The following EBF4 variants were observed in gnomAD, a reference collection of about 807,000 sequenced individuals.
EBF4 encodes the protein EBF transcription factor 4.
Under a neutral mutation model 67.1 loss-of-function variants are expected in EBF4, and 34 were observed. The ratio of observed to expected loss-of-function variants is 0.51; its 90% CI spans 0.39 to 0.67. The LOEUF (loss-of-function observed/expected upper bound fraction) is 0.67, where lower values mean the gene tolerates loss of function less well. Ranked by LOEUF, EBF4 falls within the 30% of genes least tolerant of loss-of-function variation. The pLI, the probability that EBF4 is intolerant of heterozygous loss-of-function variation, is 0.00. For synonymous variants in EBF4, 387 were observed against 377.7 expected (o/e 1.02, Z -0.29); for missense variants, 837 against 873.3 (o/e 0.96, Z 0.52).
intron 5 of EBF4, among the ~76,000 whole-genome samples, chr20:2,708,420 G>A (rs2087490736): frequency 6.6e-6 from 1 of 152,240 alleles, no homozygotes; most frequent in Admixed American, 6.5e-5. Flanking sequence ...TGGCAGGGCA[G>A]GGTGGGAGTG....
At chr20:2,753,879 T>C in intron 14 of EBF4, among the ~76,000 whole-genome samples, 1 of 152,176 alleles carries the variant, frequency 6.6e-6, no homozygotes, top group East Asian at 1.9e-4. Context: ...CTGCCTCTCC[T>C]GGCTCTTTGC....
chr20:2,709,658 G>T lies in EBF4; in HGVS notation c.557+16G>T. On this transcript the variant is annotated intron_variant, in intron 6 of 16. Transcript: ENST00000609451. ...TCATTGACAGGTACAGGCTCAGGGA[G>T]GGGGCCTGGAAGCTCAGAGGAGAGT... 6.5e-7 allele frequency: 1 copy of T among 1,526,820 alleles called. No homozygotes were observed. Among genetic ancestry groups the T allele is most frequent in the Non-Finnish European group, 8.8e-7 (1 of 1,132,198 alleles). 94.6% of individuals were successfully genotyped at this position (1,526,820 alleles called of 1,614,324 possible).
At chr20:2,759,297 T>C in exon 17 of EBF4, 1 of 404,106 alleles carries the variant, frequency 2.5e-6, no homozygotes. Context: ...GAGCCCGGAC[T>C]GGAGGTCCCT....
intron 1 of EBF4, among the ~76,000 whole-genome samples, chr20:2,698,691 C>T (rs571057028): frequency 3.3e-5 from 5 of 152,110 alleles, no homozygotes; most frequent in Non-Finnish European, 4.4e-5. Context: ...TTTTTGCTCC[C>T]TCCACTTCCT....
In EBF4 at chr20:2,739,840, T is replaced by C. The variant is rs1038785329; in HGVS notation, c.558-8709T>C. ...TGCCAGCTTTGGGCTTGGAAACACA[T>C]ATCCAATTTAATCTACCCTTCACTC... On this transcript the variant is annotated intron_variant, in intron 6 of 16. Transcript: ENST00000609451. The surrounding 1 kb of genome is among the most constrained non-coding windows in gnomAD (Gnocchi z 4.5). Among the ~76,000 whole-genome samples, 5 of 152,342 alleles carry C rather than the reference T, an allele frequency of 3.3e-5. No homozygotes were observed. The highest frequency in any genetic ancestry group is 1.2e-4 in the African/African-American group (5 of 41,588).
intron 6 of EBF4, among the ~76,000 whole-genome samples, chr20:2,731,361 C>T (rs1303740473): frequency 2.0e-5 from 3 of 152,280 alleles, no homozygotes; most frequent in Non-Finnish European, 2.9e-5. Flanking sequence ...CAGTCTTTTC[C>T]TCAGCTCTCC....
chr20:2,737,117 GC>G (rs2087894574), intron 6 of EBF4, among the ~76,000 whole-genome samples: 1 of 150,714 alleles, frequency 6.6e-6, no homozygotes, highest in Admixed American at 6.9e-5. Context: ...GGGCGTGGTG[GC>G]GGGCGCCTGT....
chr20:2,729,383 C>T (rs2087785242), intron 6 of EBF4, among the ~76,000 whole-genome samples: 1 of 152,210 alleles, frequency 6.6e-6, no homozygotes, highest in Non-Finnish European at 1.5e-5. Flanking sequence ...CCCCGCTTAG[C>T]TACTCAGGAT....
chr20:2,730,904 T>C (rs1466582395), intron 6 of EBF4, among the ~76,000 whole-genome samples: 1 of 152,052 alleles, frequency 6.6e-6, no homozygotes, highest in African/African-American at 2.4e-5. Flanking sequence ...GGTTTTTTGT[T>C]TGTTTGTTTG....
At position 2,751,162 on chromosome 20, in the gene EBF4, G is replaced by C. The variant is rs1389628861; in HGVS notation, c.1019-538G>C. On this transcript the variant is annotated intron_variant, in intron 10 of 16. Coordinates refer to ENST00000609451, the Ensembl canonical transcript of EBF4. This position sits in a 1 kb window ranked among gnomAD's most constrained non-coding sequence, Gnocchi z 5.2. ...GCAATGTAGAATCTGGCCGCTGGCC[G>C]GATCTTCTCTACTTCCATCCTCCCG... Among the ~76,000 whole-genome samples, 1 of 152,092 alleles carries C rather than the reference G, an allele frequency of 6.6e-6. No individual in the cohort carries two copies. Among genetic ancestry groups the C allele is most frequent in the Non-Finnish European group, 1.5e-5 (1 of 68,022 alleles).
rs57892140 is a variant in EBF4 at position 2,739,758 on chromosome 20, T to C, written c.558-8791T>C. On this transcript the variant is annotated intron_variant, in intron 6 of 16. Transcript: ENST00000609451. The surrounding 1 kb of genome is among the most constrained non-coding windows in gnomAD (Gnocchi z 4.5). The stretch of plus-strand genomic sequence containing the variant: ...CTCATGGGAGCCCAAGACAAATCTT[T>C]TAGGATAAAAATTAGCGGAGATCCC... 0.01 allele frequency among the ~76,000 whole-genome samples: 1,596 copies of C among 152,276 alleles called. 25 individuals carry two copies. Among genetic ancestry groups the C allele is most frequent in the African/African-American group, 0.036 (1,512 of 41,544 alleles).
chr20:2,742,850 G>T (rs978786869), intron 6 of EBF4, among the ~76,000 whole-genome samples: 2 of 152,182 alleles, frequency 1.3e-5, no homozygotes, highest in Admixed American at 1.3e-4. Context: ...GACAAGCAGG[G>T]CTTCAAGCCC....
chr20:2,737,118 CG>C (rs368306940), intron 6 of EBF4, among the ~76,000 whole-genome samples: 6,587 of 151,800 alleles, frequency 0.043, 416 homozygotes, highest in Admixed American at 0.17. Context: ...GGCGTGGTGG[CG>C]GGCGCCTGTA....
intron 6 of EBF4, among the ~76,000 whole-genome samples, chr20:2,720,294 C>T (rs946400406): frequency 1.3e-5 from 2 of 152,132 alleles, no homozygotes; most frequent in African/African-American, 4.8e-5. Flanking sequence ...GACAGGGTTT[C>T]ACTATGTTGG....
chr20:2,741,549 T>C (rs1013841335), intron 6 of EBF4, among the ~76,000 whole-genome samples: 1 of 152,224 alleles, frequency 6.6e-6, no homozygotes, highest in Non-Finnish European at 1.5e-5. Context: ...TAGGAAATAC[T>C]CCATGGACAA....
intron 6 of EBF4, among the ~76,000 whole-genome samples, chr20:2,738,941 AG>A (rs2146468532): frequency 6.6e-6 from 1 of 152,262 alleles, no homozygotes; most frequent in Admixed American, 6.5e-5. Flanking sequence ...GGCTATTTAT[AG>A]TCCTCCAGCC....
rs144819609 is a variant in EBF4 at position 2,703,720 on chromosome 20, G to GA, written c.138-1847dup. Among the ~76,000 whole-genome samples, 639 of 144,056 alleles carry GA rather than the reference G, an allele frequency of 4.4e-3. 1 individual carries two copies. The highest frequency in any genetic ancestry group is 0.011 in the South Asian group (47 of 4,446). 94.5% of individuals were successfully genotyped at this position (144,056 alleles called of 152,430 possible). A position where few individuals can be genotyped will look rare whatever the true frequency, so the allele number is the denominator to read the frequency against. On this transcript the variant is annotated intron_variant, in intron 1 of 16. Coordinates refer to ENST00000609451, the Ensembl canonical transcript of EBF4. Reference sequence around the variant, plus strand: ...AAGTCTTCAAATTTGTATCTAAAAAGAAAAAAAAAACCGACTCCAAAACTT... The same window carrying GA: ...AAGTCTTCAAATTTGTATCTAAAAAGAAAAAAAAAAACCGACTCCAAAACTT...
At position 2,696,540 on chromosome 20, in the gene EBF4, C is replaced by T. The variant is rs1433175851; in HGVS notation, c.137+2758C>T. On this transcript the variant is annotated intron_variant, in intron 1 of 16. Transcript: ENST00000609451. This position sits in a 1 kb window ranked among gnomAD's most constrained non-coding sequence, Gnocchi z 4.7. ...ACCAACCCCCAAGCCCCACTGCTTC[C>T]TCATGGATATCTCCAACATTCAAGG... Among the ~76,000 whole-genome samples the T allele has an allele frequency of 6.6e-6, 1 of 152,140 alleles. No homozygotes were observed. Among genetic ancestry groups the T allele is most frequent in the East Asian group, 1.9e-4 (1 of 5,198 alleles).
intron 6 of EBF4, among the ~76,000 whole-genome samples, chr20:2,714,645 C>T (rs1300831551): frequency 6.6e-6 from 1 of 152,232 alleles, no homozygotes; most frequent in East Asian, 1.9e-4. Context: ...AGCCACAACA[C>T]CCCACCATGT....
Sources: allele counts gnomAD v4.1 joint callset (sites outside exome capture counted in the v4.1 genomes callset), GRCh38; gene constraint gnomAD v4.1.1; non-coding constraint Gnocchi (gnomAD v3.1); transcripts MANE v1.5; gene names NCBI Gene and HGNC (gene_info 2026-07-23, HGNC 2026-07-21).